MTO1: variants seen among roughly 807,000 people sequenced by gnomAD.
MTO1 encodes the protein 5-taurinomethyluridine-[tRNA] synthase subunit MTO1, mitochondrial.
Under a neutral mutation model 71.6 loss-of-function variants are expected in MTO1, and 46 were observed. That is an observed-to-expected ratio of 0.64 (90% CI 0.51 to 0.82). MTO1 has a LOEUF of 0.82. Among genes scored for constraint, MTO1 ranks in the 40% least tolerant of loss-of-function variants. The pLI, the probability that MTO1 is intolerant of heterozygous loss-of-function variation, is 0.00. For missense variants in MTO1, 773 were observed against 867.5 expected (o/e 0.89, Z 1.37); for synonymous variants, 297 against 312.1 (o/e 0.95, Z 0.51).
chr6:73,500,721 G>A lies in MTO1; in HGVS notation c.2065G>A (p.Glu689Lys), dbSNP rs781497481. The change falls in exon 12 of 12, where the codon GAG becomes AAG. Residue 689 changes from glutamate to lysine, a missense_variant. By Grantham distance (56) the Glu-to-Lys change is moderately conservative. Coordinates refer to ENST00000498286, the MANE Select transcript of MTO1 (RefSeq NM_012123.4). Reference sequence around the variant, plus strand: ...CTTATGTGATGCAGACAGACTTCAAGAGAGAGAGTTATAGCTTTCAATTCA... The same window carrying A: ...CTTATGTGATGCAGACAGACTTCAAAAGAGAGAGTTATAGCTTTCAATTCA... ...QYLCDADRLQ[E>K]REL The A allele has an allele frequency of 3.8e-6, 6 of 1,594,120 alleles. No homozygotes were observed. The highest frequency in any genetic ancestry group is 5.1e-6 in the Non-Finnish European group (6 of 1,171,066).
At chr6:73,490,631 G>C (rs553719431) in intron 9 of MTO1, among the ~76,000 whole-genome samples, 1 of 151,734 alleles carries the variant, frequency 6.6e-6, no homozygotes, top group Non-Finnish European at 1.5e-5. Context: ...GGAAGTATAA[G>C]GCCTCTAACC....
intron 8 of MTO1, 68 bp downstream of exon 8, chr6:73,482,312 G>C: frequency 6.3e-7 from 1 of 1,580,144 alleles, no homozygotes; most frequent in Non-Finnish European, 8.7e-7. Flanking sequence ...CAAGCAATTT[G>C]AGAGACCAAG....
At chr6:73,491,282 C>T (rs1771795892) in intron 9 of MTO1, among the ~76,000 whole-genome samples, 1 of 144,370 alleles carries the variant, frequency 6.9e-6, no homozygotes, top group Admixed American at 7.0e-5. Context: ...AAAAAAAAAT[C>T]AGACAGAATA....
At position 73,482,519 on chromosome 6, in the gene MTO1, A is replaced by C. The variant is rs753939075; in HGVS notation, c.1536A>C (p.Glu512Asp). Residue 512 changes from glutamate (E) to aspartate (D), a missense_variant, in exon 9 of 12, where the codon GAA becomes GAC. Transcript: ENST00000498286. Reference sequence around the variant, plus strand: ...CTTGTTGGATGAAGTCTTCTTTAGAAGAAGGCATTTCTGTGTTGAAATCTA... The same window carrying C: ...CTTGTTGGATGAAGTCTTCTTTAGACGAAGGCATTTCTGTGTTGAAATCTA... ...ERACWMKSSL[E>D]EGISVLKSIE... 1.2e-5 allele frequency: 20 copies of C among 1,613,108 alleles called. No homozygotes were observed. The highest frequency in any genetic ancestry group is 1.6e-5 in the Non-Finnish European group (19 of 1,179,876).
At chr6:73,491,396 CAA>C (rs1223217073) in intron 9 of MTO1, among the ~76,000 whole-genome samples, 17 of 133,670 alleles carry the variant, frequency 1.3e-4, no homozygotes, top group Admixed American at 4.0e-4. Flanking sequence ...CCTGTCTCTA[CAA>C]AAAAAAAAAA....
Position 73,505,985 on chromosome 6 carries a change from T to C in MTO1, c.*5250T>C, listed in dbSNP as rs1366598951. ...GTTACGATGGAATTTTTCTTTTTCTTTTTTTTTTCTTGAGACGGAGTCTCG... is the reference window on the plus strand; with the variant it reads ...GTTACGATGGAATTTTTCTTTTTCTCTTTTTTTTCTTGAGACGGAGTCTCG... On this transcript the variant is annotated 3_prime_UTR_variant, in exon 12 of 12. Coordinates refer to ENST00000498286, the MANE Select transcript of MTO1 (RefSeq NM_012123.4). 1 of 151,808 alleles carries C rather than the reference T, an allele frequency of 6.6e-6. No individual in the cohort carries two copies. Among genetic ancestry groups the C allele is most frequent in the Non-Finnish European group, 1.5e-5 (1 of 67,970 alleles). 9.4% of individuals were successfully genotyped at this position (151,808 alleles called of 1,614,324 possible).
chr6:73,476,329 G>A (rs1771317403), intron 4 of MTO1, among the ~76,000 whole-genome samples: 1 of 148,244 alleles, frequency 6.7e-6, no homozygotes, highest in Admixed American at 6.9e-5. Context: ...AGCTGTGATT[G>A]TGCCACTGCA....
chr6:73,493,322 A>G (rs1299124209), intron 10 of MTO1, among the ~76,000 whole-genome samples: 2 of 143,150 alleles, frequency 1.4e-5, no homozygotes, highest in Non-Finnish European at 3.0e-5. Context: ...ATAGGAGGGC[A>G]CCACAGTACC....
intron 11 of MTO1, among the ~76,000 whole-genome samples, chr6:73,499,278 TTA>T (rs1211660319): frequency 1.3e-5 from 2 of 152,006 alleles, no homozygotes; most frequent in Admixed American, 1.3e-4. Flanking sequence ...TGATTTCAGG[TTA>T]TGTTTGTATG....
chr6:73,473,603 G>A lies in MTO1; in HGVS notation c.774G>A (p.Pro258=), dbSNP rs748667460. Residue 258 remains proline (P), a synonymous_variant, in exon 4 of 12, where the codon CCG becomes CCA. Transcript: ENST00000498286. ...TCAGTATTCTAAACAAGCATATACC[G>A]GACAATCCATCCATACCATTCAGCT... ...INFSILNKHI[P]DNPSIPFSFT... The A allele has an allele frequency of 1.7e-5, 28 of 1,613,722 alleles. No homozygotes were observed. Among genetic ancestry groups the A allele is most frequent in the Admixed American group, 6.7e-5 (4 of 59,936 alleles).
chr6:73,498,087 C>T (rs1482477728), intron 11 of MTO1, among the ~76,000 whole-genome samples, 191 bp downstream of exon 11: 2 of 152,026 alleles, frequency 1.3e-5, no homozygotes, highest in African/African-American at 2.4e-5. Context: ...GTGGCATGCA[C>T]CTGCAGCGCC....
chr6:73,473,728 T>TA (rs2150031660), intron 4 of MTO1, 74 bp downstream of exon 4: 1 of 1,295,756 alleles, frequency 7.7e-7, no homozygotes, highest in East Asian at 2.4e-5. Context: ...TAACTTTTTT[T>TA]TTTTTTTTTT....
rs112689164 is a variant in MTO1 at position 73,492,655 on chromosome 6, T to C, written c.1756+303T>C. The C allele has an allele frequency of 0.02, 4,725 of 234,906 alleles. 88 individuals are homozygous for C. Among genetic ancestry groups the C allele is most frequent in the Non-Finnish European group, 0.026 (3,036 of 116,002 alleles). The allele number at this position is 234,906 out of a possible 1,614,324, so 14.6% of individuals were successfully genotyped here. On this transcript the variant is annotated intron_variant, in intron 10 of 11. Coordinates refer to ENST00000498286, the MANE Select transcript of MTO1 (RefSeq NM_012123.4). The stretch of plus-strand genomic sequence containing the variant: ...CAAAACCCTGTCTCTACAAAAAAAA[T>C]ACAAAAAATTAGCTGGATGTGAAGA...
chr6:73,494,702 C>G (rs1582699310), intron 10 of MTO1, among the ~76,000 whole-genome samples: 1 of 150,512 alleles, frequency 6.6e-6, no homozygotes, highest in South Asian at 2.1e-4. Context: ...TCTTGAACTC[C>G]TGACTTCAGG....
chr6:73,498,451 G>A (rs1037969118), intron 11 of MTO1, among the ~76,000 whole-genome samples: 8 of 150,662 alleles, frequency 5.3e-5, no homozygotes, highest in African/African-American at 1.7e-4. Flanking sequence ...ACTCATATTT[G>A]TGATTTTCAA....
rs1772149291 is a variant in MTO1, at chr6:73,501,125, C to T, written c.*390C>T. ...TGTTTTGAGAGTTAATAATCTTTTG[C>T]TTGGTTATACTAGGCTAGGAAGCAA... On this transcript the variant is annotated 3_prime_UTR_variant, in exon 12 of 12. Coordinates refer to ENST00000498286, the MANE Select transcript of MTO1 (RefSeq NM_012123.4). The T allele has an allele frequency of 6.5e-6, 1 of 154,084 alleles. No homozygotes were observed. Among genetic ancestry groups the T allele is most frequent in the Admixed American group, 6.5e-5 (1 of 15,316 alleles). 9.5% of individuals were successfully genotyped at this position (154,084 alleles called of 1,614,324 possible).
chr6:73,473,070 G>A (rs918595682), intron 3 of MTO1, among the ~76,000 whole-genome samples: 7 of 152,098 alleles, frequency 4.6e-5, no homozygotes, highest in South Asian at 2.1e-4. Context: ...ACCTGAGGTC[G>A]GGAATTCGAG....
At chr6:73,494,414 T>G (rs1771923410) in intron 10 of MTO1, among the ~76,000 whole-genome samples, 1 of 152,094 alleles carries the variant, frequency 6.6e-6, no homozygotes, top group South Asian at 2.1e-4. Flanking sequence ...ACTATGCTCT[T>G]TGGGAACCAG....
intron 11 of MTO1, among the ~76,000 whole-genome samples, chr6:73,499,058 G>A (rs1168914254): frequency 6.6e-6 from 1 of 151,970 alleles, no homozygotes; most frequent in Non-Finnish European, 1.5e-5. Context: ...AAAATTGATG[G>A]TGTGTCACAG....
Sources: gnomAD v4.1 joint callset for allele counts (sites outside exome capture counted in the v4.1 genomes callset) on GRCh38, gnomAD v4.1.1 for gene constraint, MANE v1.5 for transcripts, NCBI Gene and HGNC (gene_info 2026-07-23, HGNC 2026-07-21) for gene names.